The following AGMO variants were observed in gnomAD, a reference collection of about 807,000 sequenced individuals.
The protein encoded by AGMO is glyceryl-ether monooxygenase.
Under a neutral mutation model 60.2 loss-of-function variants are expected in AGMO, and 75 were observed. That is an observed-to-expected ratio of 1.25 (90% confidence interval 1.03 to 1.51). The LOEUF is 1.51. AGMO is among the 40% of genes most tolerant of loss of function. The pLI, the probability that AGMO is intolerant of heterozygous loss-of-function variation, is 0.00. For synonymous variants in AGMO, 261 were observed against 177.1 expected, an observed-to-expected ratio of 1.47 and a Z score of -3.76; for missense variants, 763 against 525.5, an observed-to-expected ratio of 1.45 and a Z score of -4.42.
chr7:15,516,391 CA>C (rs1350756404), intron 3 of AGMO, among the ~76,000 whole-genome samples: 5 of 152,078 alleles, frequency 3.3e-5, no homozygotes, highest in Non-Finnish European at 7.4e-5. Context: ...AATGATACAG[CA>C]AGTTTTATCA....
chr7:15,315,285 G>C (rs1361650363), intron 12 of AGMO, among the ~76,000 whole-genome samples: 1 of 144,208 alleles, frequency 6.9e-6, no homozygotes, highest in African/African-American at 2.6e-5. Context: ...AAGTATGATT[G>C]AGATGAAAAT....
intron 9 of AGMO, among the ~76,000 whole-genome samples, chr7:15,385,876 A>G (rs1301871918): frequency 1.3e-5 from 2 of 152,116 alleles, no homozygotes; most frequent in African/African-American, 4.8e-5. Context: ...CGGCAAAAGC[A>G]AAGTAAAAGA....
chr7:15,538,107 A>T (rs1239094744), intron 3 of AGMO, among the ~76,000 whole-genome samples: 1 of 152,146 alleles, frequency 6.6e-6, no homozygotes, highest in Non-Finnish European at 1.5e-5. Context: ...GTGCTAAATA[A>T]TCCCACTTCA....
chr7:15,524,654 G>A (rs1390134260), intron 3 of AGMO, among the ~76,000 whole-genome samples: 2 of 151,966 alleles, frequency 1.3e-5, no homozygotes, highest in African/African-American at 4.8e-5. Flanking sequence ...CCTAAGGTTG[G>A]GAGTTTGAGA....
intron 12 of AGMO, among the ~76,000 whole-genome samples, chr7:15,294,523 T>C (rs368923870): frequency 3.3e-5 from 5 of 151,772 alleles, no homozygotes; most frequent in East Asian, 1.9e-4. Context: ...ACAAACTGAA[T>C]AGGAAAAACT....
intron 9 of AGMO, among the ~76,000 whole-genome samples, chr7:15,386,021 T>C (rs1232224720): frequency 6.6e-6 from 1 of 151,564 alleles, no homozygotes; most frequent in Non-Finnish European, 1.5e-5. Flanking sequence ...TCTCTACCAG[T>C]AATAAAAAAA....
chr7:15,364,165 T>G (rs1047736389), intron 12 of AGMO, among the ~76,000 whole-genome samples: 5 of 151,932 alleles, frequency 3.3e-5, no homozygotes, highest in Admixed American at 2.0e-4. Context: ...GTTTAGAGGT[T>G]GAGAAGTTTT....
intron 12 of AGMO, among the ~76,000 whole-genome samples, chr7:15,352,833 A>T (rs568141110): frequency 6.6e-6 from 1 of 152,036 alleles, no homozygotes. Context: ...TATTAAAGAC[A>T]ATGCAAAAAC....
chr7:15,380,290 G>A (rs1783624730), intron 10 of AGMO, among the ~76,000 whole-genome samples: 1 of 152,106 alleles, frequency 6.6e-6, no homozygotes, highest in South Asian at 2.1e-4. Context: ...AGCTTCTTAA[G>A]TTGATAAACA....
intron 12 of AGMO, chr7:15,358,344 T>C (rs989484075): frequency 2.2e-6 from 1 of 456,756 alleles, no homozygotes; most frequent in African/African-American, 2.0e-5. Context: ...CTTGGGTTAA[T>C]GCTTTTTCAA....
Position 15,201,295 on chromosome 7 carries a change from G to C in AGMO, c.1328C>G (p.Pro443Arg), listed in dbSNP as rs769593390. The change falls in exon 13 of 13, where the codon CCT becomes CGT. Residue 443 changes from proline to arginine, a missense_variant. Physicochemically the swap from Pro to Arg is moderately radical, Grantham distance 103. Coordinates refer to ENST00000342526, the MANE Select transcript of AGMO (RefSeq NM_001004320.2). ...ATGTACAAATTCAGGTTATTTCCAAGGGTGAGAGGTGAGTTGTTTCATGCT... is the reference window on the plus strand; with the variant it reads ...ATGTACAAATTCAGGTTATTTCCAACGGTGAGAGGTGAGTTGTTTCATGCT... ...VRSMKQLTSHPWK is the reference protein window; with the variant it reads ...VRSMKQLTSHRWK 44 of 1,609,720 alleles carry C rather than the reference G, an allele frequency of 2.7e-5. No individual in the cohort carries two copies. Among genetic ancestry groups the C allele is most frequent in the Non-Finnish European group, 3.4e-5 (40 of 1,177,856 alleles).
intron 3 of AGMO, among the ~76,000 whole-genome samples, chr7:15,529,683 T>TACAGA (rs1784245408): frequency 9.0e-6 from 1 of 111,718 alleles, no homozygotes; most frequent in South Asian, 2.7e-4. Context: ...ATATTCTATA[T>TACAGA]ATAGAATATA....
At chr7:15,170,847 A>C in the AGMO span, among the ~76,000 whole-genome samples, 1 of 152,078 alleles carries the variant, frequency 6.6e-6, no homozygotes, top group Non-Finnish European at 1.5e-5. Context: ...AGTGTCTGAG[A>C]CTTTCCTTGT....
intron 12 of AGMO, among the ~76,000 whole-genome samples, chr7:15,292,395 T>C (rs1180028700): frequency 2.0e-5 from 3 of 152,296 alleles, no homozygotes; most frequent in South Asian, 4.1e-4. Flanking sequence ...GTGGGCTGAA[T>C]GGCTGACGCG....
intron 3 of AGMO, among the ~76,000 whole-genome samples, chr7:15,493,331 CA>C (rs1268760508): frequency 1.7e-4 from 9 of 53,716 alleles, no homozygotes; most frequent in African/African-American, 9.1e-4. Flanking sequence ...CACAAACACA[CA>C]AAACACACAC....
intron 6 of AGMO, among the ~76,000 whole-genome samples, chr7:15,393,429 T>A (rs1404119451): frequency 6.6e-6 from 1 of 152,258 alleles, no homozygotes; most frequent in Non-Finnish European, 1.5e-5. Context: ...TTCATTGTTA[T>A]ATCCTTCTCC....
intron 3 of AGMO, among the ~76,000 whole-genome samples, chr7:15,511,369 G>A (rs1300472008): frequency 6.6e-6 from 1 of 152,090 alleles, no homozygotes; most frequent in Non-Finnish European, 1.5e-5. Flanking sequence ...CTCCTGGCCA[G>A]GAATCAATTT....
chr7:15,153,046 G>C, the AGMO span, among the ~76,000 whole-genome samples: 40 of 152,234 alleles, frequency 2.6e-4, no homozygotes, highest in Middle Eastern at 3.4e-3. Context: ...GAGTGAGGTA[G>C]TATCATGTTG....
chr7:15,199,959 T>C (rs1021658939), downstream of AGMO, among the ~76,000 whole-genome samples: 2 of 152,200 alleles, frequency 1.3e-5, no homozygotes, highest in African/African-American at 2.4e-5. Flanking sequence ...ACCTGCAGTC[T>C]GATTCTCTTA....
Sources: allele counts gnomAD v4.1 joint callset (sites outside exome capture counted in the v4.1 genomes callset), GRCh38; gene constraint gnomAD v4.1.1; transcripts MANE v1.5; gene names NCBI Gene and HGNC (gene_info 2026-07-23, HGNC 2026-07-21).